KIF16B: variants seen among roughly 807,000 people sequenced by gnomAD.
KIF16B encodes the protein kinesin-like protein KIF16B.
Under a neutral mutation model 156.3 loss-of-function variants are expected in KIF16B, and 98 were observed. The observed-to-expected ratio is 0.63, with a 90% CI of 0.53 to 0.74. The LOEUF (loss-of-function observed/expected upper bound fraction) is 0.74. Ranked by LOEUF, KIF16B falls within the 30% of genes least tolerant of loss-of-function variation. The pLI is 0.00. For missense variants in KIF16B, 1,421 were observed against 1,606.5 expected, an observed-to-expected ratio of 0.88 and a Z score of 1.97; for synonymous variants, 564 against 583.7, an observed-to-expected ratio of 0.97 and a Z score of 0.49.
rs139300629 is a variant in KIF16B at position 16,339,478 on chromosome 20, G to A, written c.3622-3463C>T. ...CTTTGGTGACCTCATCCCATCTCAC[G>A]GCATAAATTTACATGTGGATGACTC... On this transcript the variant is annotated intron_variant, in intron 23 of 25. Transcript: ENST00000354981. 1.9e-3 allele frequency among the ~76,000 whole-genome samples: 292 copies of A among 151,956 alleles called. 1 individual carries two copies. Among genetic ancestry groups the A allele is most frequent in the Middle Eastern group, 6.8e-3 (2 of 294 alleles).
intron 1 of KIF16B, among the ~76,000 whole-genome samples, chr20:16,559,452 A>T (rs1388594237): frequency 6.6e-6 from 1 of 152,200 alleles, no homozygotes; most frequent in Non-Finnish European, 1.5e-5. Flanking sequence ...AATGTTTCAC[A>T]CAGCTGGGTT....
At chr20:16,412,627 T>A (rs6111102) in intron 15 of KIF16B, among the ~76,000 whole-genome samples, 43,591 of 151,862 alleles carry the variant, frequency 0.29, 6,907 homozygotes, top group East Asian at 0.67. Flanking sequence ...GAAAGCCCCT[T>A]ATAATACCAT....
intron 24 of KIF16B, among the ~76,000 whole-genome samples, chr20:16,331,222 A>G (rs555634666): frequency 3.1e-4 from 47 of 152,338 alleles, no homozygotes; most frequent in African/African-American, 1.0e-3. Context: ...AATAATGTCA[A>G]TCTTTTATAA....
chr20:16,336,691 G>C (rs1442266186), intron 23 of KIF16B, among the ~76,000 whole-genome samples: 1 of 152,066 alleles, frequency 6.6e-6, no homozygotes, highest in Non-Finnish European at 1.5e-5. Context: ...ATTCCCTCCA[G>C]TCCCAGCTCT....
chr20:16,559,316 G>A (rs1386133442), intron 1 of KIF16B, among the ~76,000 whole-genome samples: 1 of 152,144 alleles, frequency 6.6e-6, no homozygotes, highest in East Asian at 1.9e-4. Flanking sequence ...GATGCCAGGA[G>A]GCATAATTCC....
intron 4 of KIF16B, 79 bp from the exon 5 acceptor site, chr20:16,513,002 G>T: frequency 9.5e-7 from 1 of 1,048,374 alleles, no homozygotes; most frequent in Non-Finnish European, 1.5e-6. Context: ...TTGCTGGCAT[G>T]AAGTTAGACT....
At chr20:16,502,580 C>T (rs1264870543) in intron 10 of KIF16B, among the ~76,000 whole-genome samples, 1 of 151,976 alleles carries the variant, frequency 6.6e-6, no homozygotes, top group South Asian at 2.1e-4. Flanking sequence ...TTAAACACAG[C>T]AGTGGTAATA....
At chr20:16,417,228 G>A (rs919862217) in intron 15 of KIF16B, among the ~76,000 whole-genome samples, 4 of 152,168 alleles carry the variant, frequency 2.6e-5, no homozygotes, top group Admixed American at 2.6e-4. Context: ...GTGTGTACAC[G>A]TGGATCTGAT....
rs116268201 is a variant in KIF16B at position 16,427,192 on chromosome 20, G to A, written c.1524C>T (p.Ile508=). 7.8e-4 allele frequency: 1,264 copies of A among 1,612,704 alleles called. 16 individuals are homozygous for A. The African/African-American group carries it at 0.015, about 19-fold the overall frequency. The change falls in exon 15 of 26, where the codon ATC becomes ATT. Residue 508 remains isoleucine, a synonymous_variant. Coordinates refer to ENST00000354981, the MANE Select transcript of KIF16B (RefSeq NM_024704.5). ...LESEHCIFEN[I]GGTVTLIPLS... is the part of the protein sequence containing the mutation. ...GGGGTATCAGAGTCACTGTCCCCCCGATATTTTCAAAGATGCAATGCTCAC... is the reference window on the plus strand; with the variant it reads ...GGGGTATCAGAGTCACTGTCCCCCCAATATTTTCAAAGATGCAATGCTCAC...
intron 19 of KIF16B, 64 bp downstream of exon 19, chr20:16,378,741 G>C: frequency 7.0e-7 from 1 of 1,430,866 alleles, no homozygotes; most frequent in Non-Finnish European, 9.4e-7. Context: ...CACAACATGA[G>C]GAGTGAAAAA....
At chr20:16,276,724 C>A (rs554608292) in intron 25 of KIF16B, among the ~76,000 whole-genome samples, 1 of 152,234 alleles carries the variant, frequency 6.6e-6, no homozygotes, top group Admixed American at 6.5e-5. Flanking sequence ...CAGCTGGGGA[C>A]ACAAGACAGA....
intron 12 of KIF16B, among the ~76,000 whole-genome samples, chr20:16,442,334 A>ATGTGTGTGTG (rs148957905): frequency 0.13 from 18,886 of 144,638 alleles, 1,301 homozygotes; most frequent in East Asian, 0.26. Context: ...CCATTTCACA[A>ATGTGTGTGTG]TGTGTGTGTG....
intron 12 of KIF16B, among the ~76,000 whole-genome samples, chr20:16,450,408 G>A (rs2067048193): frequency 6.6e-6 from 1 of 152,138 alleles, no homozygotes; most frequent in African/African-American, 2.4e-5. Flanking sequence ...AAAATGCCAG[G>A]TCAGCCTGAG....
chr20:16,546,359 T>C (rs1298360749), intron 1 of KIF16B, among the ~76,000 whole-genome samples: 1 of 152,216 alleles, frequency 6.6e-6, no homozygotes, highest in East Asian at 1.9e-4. Flanking sequence ...GAGTCGATAC[T>C]CAATCTATGT....
chr20:16,559,938 TA>T lies in KIF16B; in HGVS notation c.47+13290del, dbSNP rs1320835600. Among the ~76,000 whole-genome samples the T allele has an allele frequency of 2.6e-5, 4 of 152,188 alleles. No individual in the cohort carries two copies. In the East Asian group the frequency reaches 7.7e-4, roughly 29 times the overall value. On this transcript the variant is annotated intron_variant, in intron 1 of 25. Coordinates refer to ENST00000354981, the MANE Select transcript of KIF16B (RefSeq NM_024704.5). ...ATGATACAACATTCAAATAATGTTG[TA>T]TCAATATTACTTTCCGGTTTTGATA...
intron 17 of KIF16B, among the ~76,000 whole-genome samples, chr20:16,394,368 C>G (rs1247100231): frequency 6.6e-6 from 1 of 152,172 alleles, no homozygotes; most frequent in Non-Finnish European, 1.5e-5. Context: ...AGGAAAAAAG[C>G]AAGTCTCCAA....
chr20:16,357,911 T>C (rs536784690), intron 22 of KIF16B, among the ~76,000 whole-genome samples: 8 of 152,276 alleles, frequency 5.3e-5, no homozygotes, highest in African/African-American at 1.7e-4. Context: ...ATCAAGAGGC[T>C]GGGCACAGTG....
At chr20:16,332,673 C>T (rs1017320140) in intron 24 of KIF16B, among the ~76,000 whole-genome samples, 1 of 152,008 alleles carries the variant, frequency 6.6e-6, no homozygotes, top group Non-Finnish European at 1.5e-5. Context: ...GAGCAGAAGT[C>T]GCCTATGAAT....
At chr20:16,551,292 G>A (rs904019853) in intron 1 of KIF16B, among the ~76,000 whole-genome samples, 7 of 152,108 alleles carry the variant, frequency 4.6e-5, no homozygotes, top group Non-Finnish European at 1.0e-4. Flanking sequence ...CACCATGCCC[G>A]GCTAGTTTTG....
Sources: allele counts gnomAD v4.1 joint callset (sites outside exome capture counted in the v4.1 genomes callset), GRCh38; gene constraint gnomAD v4.1.1; transcripts MANE v1.5; gene names NCBI Gene and HGNC (gene_info 2026-07-23, HGNC 2026-07-21).